The following LRRC37A2 variants were observed in gnomAD, a reference collection of about 807,000 sequenced individuals.
LRRC37A2 encodes the protein leucine-rich repeat-containing protein 37A2.
In LRRC37A2, 9 loss-of-function variants were observed where a neutral mutation model predicts 68.8. The ratio of observed to expected loss-of-function variants is 0.13; its 90% confidence interval spans 0.08 to 0.23. The LOEUF (loss-of-function observed/expected upper bound fraction) is 0.23, where lower values mean the gene tolerates loss of function less well. Ranked by LOEUF, LRRC37A2 falls within the 10% of genes least tolerant of loss-of-function variation. The probability of loss-of-function intolerance (pLI) is 1.00; values close to 1 mark genes in which losing one functional copy is unlikely to be tolerated. For missense variants in LRRC37A2, 168 were observed against 950.4 expected, an observed-to-expected ratio of 0.18 and a Z score of 10.82; for synonymous variants, 63 against 367.6, an observed-to-expected ratio of 0.17 and a Z score of 9.48.
At chr17:46,968,725 A>G in the LRRC37A2 span, 1 of 152,512 alleles carries the variant, frequency 6.6e-6, no homozygotes, top group Non-Finnish European at 1.5e-5. Flanking sequence ...TACAATGGCC[A>G]TGCAGATCTT....
chr17:46,726,638 G>T, the LRRC37A2 span: 12 of 1,603,924 alleles, frequency 7.5e-6, no homozygotes, highest in African/African-American at 1.3e-5. Context: ...TTCTGCTGTT[G>T]TATTATCTTT....
the LRRC37A2 span, among the ~76,000 whole-genome samples, chr17:46,902,776 A>G: frequency 6.6e-6 from 1 of 152,192 alleles, no homozygotes; most frequent in African/African-American, 2.4e-5. Context: ...TTCCTGATAG[A>G]GAGAGCCCTG....
chr17:46,906,481 G>T, the LRRC37A2 span, among the ~76,000 whole-genome samples: 1 of 152,172 alleles, frequency 6.6e-6, no homozygotes, highest in Admixed American at 6.5e-5. Context: ...CTGCAGTGGT[G>T]AGATCATAGC....
At chr17:46,938,562 T>C in the LRRC37A2 span, 2 of 1,613,194 alleles carry the variant, frequency 1.2e-6, no homozygotes, top group Admixed American at 1.7e-5. Flanking sequence ...TAAAGCGACT[T>C]GATGTTTGTT....
At chr17:46,834,521 G>A in the LRRC37A2 span, among the ~76,000 whole-genome samples, 1 of 152,280 alleles carries the variant, frequency 6.6e-6, no homozygotes, top group East Asian at 1.9e-4. Flanking sequence ...TGAGTGGAAA[G>A]CTCCTCTCGC....
At chr17:46,904,492 G>A in the LRRC37A2 span, among the ~76,000 whole-genome samples, 57 of 150,846 alleles carry the variant, frequency 3.8e-4, no homozygotes, top group Admixed American at 8.6e-4. Flanking sequence ...ATGGATGGAT[G>A]GGTGGATGGG....
At chr17:46,545,879 C>A (rs567970783) in intron 8 of LRRC37A2, among the ~76,000 whole-genome samples, 1 of 150,290 alleles carries the variant, frequency 6.7e-6, no homozygotes, top group Admixed American at 6.6e-5. Flanking sequence ...CCACTCCCAA[C>A]AGGAATTGAG....
the LRRC37A2 span, among the ~76,000 whole-genome samples, chr17:46,791,199 G>C: frequency 2.6e-5 from 4 of 151,860 alleles, no homozygotes; most frequent in African/African-American, 9.7e-5. Context: ...CCCAACCCAG[G>C]ACTTCGCTTT....
chr17:46,985,018 C>T, the LRRC37A2 span, among the ~76,000 whole-genome samples: 1 of 152,182 alleles, frequency 6.6e-6, no homozygotes, highest in African/African-American at 2.4e-5. Flanking sequence ...GCACGCTTTT[C>T]CTGGAATGGG....
chr17:46,809,109 A>T, the LRRC37A2 span, among the ~76,000 whole-genome samples: 13 of 152,110 alleles, frequency 8.5e-5, no homozygotes, highest in African/African-American at 2.9e-4. Flanking sequence ...GAAGTGGGTT[A>T]TTGGGGGGAT....
chr17:46,473,200 T>C, the LRRC37A2 span, among the ~76,000 whole-genome samples: 1 of 8,282 alleles, frequency 1.2e-4, no homozygotes, highest in Non-Finnish European at 2.6e-4. Flanking sequence ...TAGAAATCTG[T>C]GGACCATTAA....
the LRRC37A2 span, among the ~76,000 whole-genome samples, chr17:46,907,674 C>CA: frequency 0.28 from 11,116 of 39,886 alleles, 1,169 homozygotes; most frequent in Middle Eastern, 0.4. Context: ...TCCATCTCTA[C>CA]AAAAAAAAAA....
the LRRC37A2 span, among the ~76,000 whole-genome samples, chr17:46,949,925 A>G: frequency 6.6e-6 from 1 of 152,218 alleles, no homozygotes; most frequent in Admixed American, 6.5e-5. Context: ...CGGGGTGCCT[A>G]AGAGCAGACT....
chr17:46,937,146 TG>T, the LRRC37A2 span: 1 of 152,164 alleles, frequency 6.6e-6, no homozygotes, highest in Non-Finnish European at 1.5e-5. Flanking sequence ...ACAGGCTGGA[TG>T]GTTTGGGTTG....
At chr17:46,543,800 T>C (rs1052069318) in intron 8 of LRRC37A2, among the ~76,000 whole-genome samples, 1 of 150,824 alleles carries the variant, frequency 6.6e-6, no homozygotes, top group African/African-American at 2.5e-5. Context: ...AAAAAGAAAA[T>C]GTTTAAAATA....
the LRRC37A2 span, among the ~76,000 whole-genome samples, chr17:46,738,527 G>C: frequency 6.6e-6 from 1 of 152,196 alleles, no homozygotes; most frequent in Middle Eastern, 3.2e-3. Context: ...AACCATAATT[G>C]ATGGGTCAGT....
chr17:47,019,938 C>T, the LRRC37A2 span: 20 of 689,354 alleles, frequency 2.9e-5, 1 homozygote, highest in South Asian at 2.5e-4. Flanking sequence ...TGCTTGTCAA[C>T]TCTCCCTTCT....
At chr17:46,744,351 A>C in the LRRC37A2 span, among the ~76,000 whole-genome samples, 1 of 152,238 alleles carries the variant, frequency 6.6e-6, no homozygotes, top group Non-Finnish European at 1.5e-5. Flanking sequence ...CAAAAACATC[A>C]GATTCTACTA....
chr17:46,914,496 A>G, the LRRC37A2 span, among the ~76,000 whole-genome samples: 4 of 151,740 alleles, frequency 2.6e-5, no homozygotes, highest in East Asian at 7.8e-4. Flanking sequence ...TAAAAATACA[A>G]AAAAATTAGC....
Sources: gnomAD v4.1 joint callset for allele counts (sites outside exome capture counted in the v4.1 genomes callset) on GRCh38, gnomAD v4.1.1 for gene constraint, MANE v1.5 for transcripts, NCBI Gene and HGNC (gene_info 2026-07-23, HGNC 2026-07-21) for gene names.